The following CIT variants were observed in gnomAD, a reference collection of about 807,000 sequenced individuals.
CIT encodes citron Rho-interacting kinase.
Under a neutral mutation model 272.7 loss-of-function variants are expected in CIT, and 79 were observed. The observed-to-expected ratio is 0.29, with a 90% CI of 0.24 to 0.35. The LOEUF (loss-of-function observed/expected upper bound fraction) is 0.35, where lower values mean the gene tolerates loss of function less well. Among genes scored for constraint, CIT ranks in the 10% least tolerant of loss-of-function variants. The pLI is 1.00. For synonymous variants in CIT, 948 were observed against 995.6 expected, an observed-to-expected ratio of 0.95 and a Z score of 0.90; for missense variants, 1,909 against 2,618.3, an observed-to-expected ratio of 0.73 and a Z score of 5.91.
intron 24 of CIT, among the ~76,000 whole-genome samples, 184 bp from the exon 25 acceptor site, chr12:119,735,541 C>T (rs550352805): frequency 2.0e-5 from 3 of 152,268 alleles, no homozygotes; most frequent in East Asian, 3.9e-4. Flanking sequence ...ACTCTAAACA[C>T]GAGCAGTGGA....
chr12:119,773,025 A>G, intron 16 of CIT, 115 bp from the exon 17 acceptor site: 3 of 1,066,442 alleles, frequency 2.8e-6, no homozygotes, highest in Non-Finnish European at 3.8e-6. Context: ...AAAAAAAAAA[A>G]AAAAAAGATA....
chr12:119,807,269 A>G (rs1221301069), intron 9 of CIT, among the ~76,000 whole-genome samples: 1 of 152,240 alleles, frequency 6.6e-6, no homozygotes, highest in Non-Finnish European at 1.5e-5. Context: ...GAGAAGATCC[A>G]ATATACATCT....
At chr12:119,765,677 G>A (rs995096808) in intron 19 of CIT, among the ~76,000 whole-genome samples, 8 of 151,582 alleles carry the variant, frequency 5.3e-5, no homozygotes, top group African/African-American at 1.7e-4. Flanking sequence ...TCGTCAAGTT[G>A]CCTAGGCTAG....
At chr12:119,751,492 A>C (rs1305643568) in intron 23 of CIT, among the ~76,000 whole-genome samples, 1 of 152,158 alleles carries the variant, frequency 6.6e-6, no homozygotes, top group Non-Finnish European at 1.5e-5. Context: ...CTAGTCTCTC[A>C]GAAAGAACAA....
At chr12:119,861,521 A>G (rs550598689) in intron 3 of CIT, among the ~76,000 whole-genome samples, 86 of 152,104 alleles carry the variant, frequency 5.7e-4, no homozygotes, top group African/African-American at 2.1e-3. Flanking sequence ...TGGGAGGCAG[A>G]GGTTGCAGTG....
intron 37 of CIT, among the ~76,000 whole-genome samples, chr12:119,711,758 G>T (rs115009705): frequency 6.6e-6 from 1 of 152,214 alleles, no homozygotes; most frequent in East Asian, 1.9e-4. Flanking sequence ...TGGGCAATCC[G>T]CCGGCCTCAG....
chr12:119,777,249 C>T (rs917402276), intron 13 of CIT, among the ~76,000 whole-genome samples: 13 of 150,402 alleles, frequency 8.6e-5, no homozygotes, highest in Admixed American at 7.3e-4. Flanking sequence ...GGCAAGACTC[C>T]GTCTCAAAAA....
Position 119,701,947 on chromosome 12 carries a change from G to T in CIT, c.5316C>A (p.Thr1772=), listed in dbSNP as rs35154815. The T allele has an allele frequency of 2.2e-5, 36 of 1,612,264 alleles. No homozygotes were observed. The African/African-American group carries it at 4.5e-4, about 20-fold the overall frequency. ...AGTGGATACAGCTGCAGGGCTCTGA[G>T]GTCTCTATCTCCTGAGACATGAGAG... The part of the protein sequence containing the change: ...SKYCIRKEIE[T]SEPCSCIHFT... The change falls in exon 42 of 48, where the codon ACC becomes ACA. Residue 1772 remains threonine, a synonymous_variant. Coordinates refer to ENST00000392521, the MANE Select transcript of CIT (RefSeq NM_001206999.2).
intron 18 of CIT, among the ~76,000 whole-genome samples, chr12:119,769,406 CTGT>C (rs1418925625): frequency 1.5e-4 from 23 of 152,194 alleles, no homozygotes; most frequent in African/African-American, 5.5e-4. Context: ...TATGCAAATA[CTGT>C]TGTTTGCTGC....
In CIT at chr12:119,718,160, T is replaced by C. The variant is rs1957631320; in HGVS notation, c.4168+85A>G. 1.4e-6 allele frequency: 2 copies of C among 1,448,800 alleles called. No homozygotes were observed. Among genetic ancestry groups the C allele is most frequent in the Middle Eastern group, 1.8e-4 (1 of 5,532 alleles). The allele number at this position is 1,448,800 out of a possible 1,614,324, so 89.7% of individuals were successfully genotyped here. On this transcript the variant is annotated intron_variant, in intron 32 of 47. Transcript: ENST00000392521. The surrounding 1 kb of genome is among the most constrained non-coding windows in gnomAD (Gnocchi z 4.8). ...TGGCCAAGACTGACTTTTTAATCTTTAACCCCTAGTATTACTTGTAATTTT... is the reference window on the plus strand; with the variant it reads ...TGGCCAAGACTGACTTTTTAATCTTCAACCCCTAGTATTACTTGTAATTTT...
chr12:119,707,423 G>T (rs76443072), intron 40 of CIT, among the ~76,000 whole-genome samples: 4 of 152,176 alleles, frequency 2.6e-5, no homozygotes, highest in African/African-American at 9.7e-5. Flanking sequence ...TTAACAAAAC[G>T]CTGACATTAG....
At chr12:119,873,285 T>A (rs977523065) in intron 2 of CIT, among the ~76,000 whole-genome samples, 4 of 149,952 alleles carry the variant, frequency 2.7e-5, no homozygotes, top group Admixed American at 6.6e-5. Flanking sequence ...TTTTTTTTTT[T>A]AATTTACAGG....
In CIT at chr12:119,694,378, C is replaced by T. The variant is rs184545187; in HGVS notation, c.5882+3281G>A. 6.6e-6 allele frequency among the ~76,000 whole-genome samples: 1 copy of T among 152,266 alleles called. No homozygotes were observed. The highest frequency in any genetic ancestry group is 1.5e-5 in the Non-Finnish European group (1 of 68,022). ...AGCAGTTAAACCAATTAAGGTACAG[C>T]CCTGATAAGGAAGGTTGTGCAGGCA... On this transcript the variant is annotated intron_variant, in intron 46 of 47. Coordinates refer to ENST00000392521, the MANE Select transcript of CIT (RefSeq NM_001206999.2). The surrounding 1 kb of genome is among the most constrained non-coding windows in gnomAD (Gnocchi z 4.5).
At chr12:119,705,357 C>T (rs1011722477) in intron 40 of CIT, among the ~76,000 whole-genome samples, 2 of 152,100 alleles carry the variant, frequency 1.3e-5, no homozygotes, top group Non-Finnish European at 1.5e-5. Context: ...GTTTATCATT[C>T]ACCAAATGAG....
At chr12:119,841,860 C>G (rs1045299221) in intron 5 of CIT, among the ~76,000 whole-genome samples, 1 of 152,154 alleles carries the variant, frequency 6.6e-6, no homozygotes, top group Admixed American at 6.5e-5. Context: ...ACACATACAG[C>G]AGAGCTGCTC....
At chr12:119,757,954 G>T (rs956955249) in intron 21 of CIT, among the ~76,000 whole-genome samples, 2 of 152,128 alleles carry the variant, frequency 1.3e-5, no homozygotes, top group Admixed American at 1.3e-4. Flanking sequence ...GAGAAAGAAT[G>T]GTATTCCTTC....
intron 9 of CIT, among the ~76,000 whole-genome samples, chr12:119,819,749 C>T (rs1298094859): frequency 6.6e-6 from 1 of 152,212 alleles, no homozygotes; most frequent in African/African-American, 2.4e-5. Context: ...ATGAAAATCA[C>T]TCAACATGTG....
At position 119,713,721 on chromosome 12, in the gene CIT, A is replaced by T. The variant is rs748118315; in HGVS notation, c.4307-73T>A. 10 of 1,519,930 alleles carry T rather than the reference A, an allele frequency of 6.6e-6. No homozygotes were observed. Among genetic ancestry groups the T allele is most frequent in the Non-Finnish European group, 9.1e-6 (10 of 1,095,980 alleles). The allele number at this position is 1,519,930 out of a possible 1,614,324, so 94.2% of individuals were successfully genotyped here. ...GACCCTTCCCTTCCTCTGCCAGCCA[A>T]CGCCTGGGCTTCTCTACCCCAGCCG... On this transcript the variant is annotated intron_variant, in intron 33 of 47. Transcript: ENST00000392521. This position sits in a 1 kb window ranked among gnomAD's most constrained non-coding sequence, Gnocchi z 5.2.
chr12:119,702,108 C>CA, intron 41 of CIT, 150 bp from the exon 42 acceptor site: 1 of 549,492 alleles, frequency 1.8e-6, no homozygotes, highest in Non-Finnish European at 3.2e-6. Flanking sequence ...AGCCATTCAT[C>CA]TTTTTTTTTT....
Sources: gnomAD v4.1 joint callset for allele counts (sites outside exome capture counted in the v4.1 genomes callset) on GRCh38, gnomAD v4.1.1 for gene constraint, Gnocchi (gnomAD v3.1) non-coding constraint, MANE v1.5 for transcripts, NCBI Gene and HGNC (gene_info 2026-07-23, HGNC 2026-07-21) for gene names.